FBXL13: variants seen among roughly 807,000 people sequenced by gnomAD.
FBXL13 encodes the protein F-box and leucine rich repeat protein 13, also known as F-box and leucine-rich repeat protein 13.
A neutral mutation model predicts 83.6 loss-of-function variants in FBXL13; 67 were observed. That is an observed-to-expected ratio of 0.80 (90% CI 0.66 to 0.98). The LOEUF is 0.98. FBXL13 is among the 50% of genes least tolerant of loss of function. The pLI is 0.00. For missense variants in FBXL13, 822 were observed against 866.5 expected, an observed-to-expected ratio of 0.95 and a Z score of 0.64; for synonymous variants, 272 against 299.5, an observed-to-expected ratio of 0.91 and a Z score of 0.95.
intron 6 of FBXL13, among the ~76,000 whole-genome samples, chr7:103,012,343 C>A (rs1426776238): frequency 6.0e-5 from 9 of 150,476 alleles, no homozygotes; most frequent in Non-Finnish European, 1.5e-5. Flanking sequence ...CCATTGCACT[C>A]CAGCCTGGGT....
chr7:103,069,033 C>T (rs949003922), intron 1 of FBXL13, among the ~76,000 whole-genome samples: 6 of 150,544 alleles, frequency 4.0e-5, no homozygotes, highest in Admixed American at 6.6e-5. Flanking sequence ...TCTGCCCGGC[C>T]GCCCCACCGT....
chr7:102,835,810 C>T (rs953711643), intron 17 of FBXL13, among the ~76,000 whole-genome samples: 13 of 151,314 alleles, frequency 8.6e-5, no homozygotes, highest in Non-Finnish European at 1.8e-4. Context: ...GGGGTTTCAC[C>T]GTTTTAGCCG....
intron 7 of FBXL13, among the ~76,000 whole-genome samples, chr7:102,965,170 C>T (rs1036388251): frequency 1.3e-5 from 2 of 152,128 alleles, no homozygotes; most frequent in Non-Finnish European, 1.5e-5. Context: ...TTCTATGCTG[C>T]TAGTTAGGGG....
intron 11 of FBXL13, among the ~76,000 whole-genome samples, chr7:102,887,928 T>C (rs557955980): frequency 2.0e-5 from 3 of 152,158 alleles, no homozygotes; most frequent in Non-Finnish European, 4.4e-5. Flanking sequence ...AGTGACCATG[T>C]ATAGTCAGAA....
chr7:102,939,708 T>G (rs1230488196), intron 8 of FBXL13: 2 of 910,302 alleles, frequency 2.2e-6, no homozygotes, highest in Non-Finnish European at 3.2e-6. Flanking sequence ...AAGTACAAGT[T>G]TTAATTAAAC....
chr7:103,061,175 G>T (rs1314499921), intron 1 of FBXL13, among the ~76,000 whole-genome samples: 1 of 144,738 alleles, frequency 6.9e-6, no homozygotes, highest in Non-Finnish European at 1.5e-5. Flanking sequence ...GACTTGAAGG[G>T]TTTTTTTTTT....
intron 11 of FBXL13, among the ~76,000 whole-genome samples, chr7:102,907,566 C>A (rs778893141): frequency 3.3e-5 from 5 of 151,288 alleles, no homozygotes; most frequent in African/African-American, 7.3e-5. Context: ...GGAGAACATG[C>A]GATGTTTGGT....
At chr7:102,819,137 G>T (rs1798439789) in intron 19 of FBXL13, among the ~76,000 whole-genome samples, 1 of 152,056 alleles carries the variant, frequency 6.6e-6, no homozygotes, top group Non-Finnish European at 1.5e-5. Context: ...GGCCCTCCTG[G>T]GTTGTGGGGG....
chr7:103,019,454 G>C (rs554907386), intron 6 of FBXL13, among the ~76,000 whole-genome samples: 1 of 152,150 alleles, frequency 6.6e-6, no homozygotes, highest in South Asian at 2.1e-4. Flanking sequence ...GCTAGCAGAA[G>C]GCAAGAAATA....
chr7:103,056,063 C>T (rs940179252), intron 1 of FBXL13, among the ~76,000 whole-genome samples: 1 of 152,176 alleles, frequency 6.6e-6, no homozygotes, highest in African/African-American at 2.4e-5. Context: ...TTTGCATCCT[C>T]ATAGTTTAGC....
chr7:102,902,562 T>C (rs1563066201), intron 11 of FBXL13, among the ~76,000 whole-genome samples: 2 of 152,198 alleles, frequency 1.3e-5, no homozygotes, highest in Non-Finnish European at 2.9e-5. Flanking sequence ...GTTTCAAAGT[T>C]TGAGGTCTTA....
chr7:102,973,364 G>T, intron 6 of FBXL13: 1 of 666,540 alleles, frequency 1.5e-6, no homozygotes, highest in Non-Finnish European at 2.7e-6. Flanking sequence ...ACCTACCCTG[G>T]CCGGAAGACA....
intron 19 of FBXL13, among the ~76,000 whole-genome samples, chr7:102,818,086 C>T (rs1798243859): frequency 6.6e-6 from 1 of 152,208 alleles, no homozygotes; most frequent in Non-Finnish European, 1.5e-5. Context: ...TGTGCCTTAG[C>T]TCACATTTCC....
intron 6 of FBXL13, chr7:102,978,748 T>G (rs1827824939): frequency 6.2e-6 from 1 of 160,546 alleles, no homozygotes; most frequent in African/African-American, 2.4e-5. Context: ...TGTATTTTAG[T>G]TGGATTTTTA....
chr7:103,071,953 C>T lies in FBXL13; in HGVS notation c.-105+2293G>A, dbSNP rs561581542. 8.9e-4 allele frequency among the ~76,000 whole-genome samples: 136 copies of T among 152,070 alleles called. 1 individual carries two copies. In the South Asian group the frequency reaches 0.026, roughly 30 times the overall value. On this transcript the variant is annotated intron_variant, in intron 1 of 19. Coordinates refer to ENST00000313221, the Ensembl canonical transcript of FBXL13. ...ATCTCAGCACTTTGGGAGGCTGAGG[C>T]GGGTGGATCACCTGAGGTTAGGAGT...
At chr7:103,027,682 T>A in intron 4 of FBXL13, 124 bp from the exon 6 acceptor site, 1 of 557,682 alleles carries the variant, frequency 1.8e-6, no homozygotes, top group Non-Finnish European at 3.0e-6. Context: ...TTTTGTTTGG[T>A]CTTATTTACA....
At chr7:102,866,105 G>C (rs575373473) in intron 16 of FBXL13, among the ~76,000 whole-genome samples, 13 of 152,270 alleles carry the variant, frequency 8.5e-5, no homozygotes, top group African/African-American at 3.1e-4. Flanking sequence ...TCACCACACA[G>C]ACATAGATTC....
rs554250283 is a variant in FBXL13, at chr7:102,968,130, A to G, written c.496-13T>C. The G allele has an allele frequency of 5.8e-5, 90 of 1,560,894 alleles. No homozygotes were observed. In the Admixed American group the frequency reaches 1.4e-3, roughly 25 times the overall value. On this transcript the variant is annotated splice_polypyrimidine_tract_variant and intron_variant, in intron 6 of 19. Coordinates refer to ENST00000313221, the Ensembl canonical transcript of FBXL13. ...GGTAGAAGAAAATCTAAACACAAAG[A>G]AAAATACACAACTTTGAAAAATGTG... is the stretch of plus-strand genomic sequence containing the variant.
At chr7:102,906,087 G>A (rs973332099) in intron 11 of FBXL13, among the ~76,000 whole-genome samples, 3 of 152,110 alleles carry the variant, frequency 2.0e-5, no homozygotes, top group Non-Finnish European at 4.4e-5. Context: ...AGATGCAAAA[G>A]CGGAAGCCCC....
Sources: allele counts gnomAD v4.1 joint callset (sites outside exome capture counted in the v4.1 genomes callset), GRCh38; gene constraint gnomAD v4.1.1; transcripts MANE v1.5; gene names NCBI Gene and HGNC (gene_info 2026-07-23, HGNC 2026-07-21).